PCCA: variants seen among roughly 807,000 people sequenced by gnomAD.
PCCA encodes the protein propionyl-CoA carboxylase alpha chain, mitochondrial.
Under a neutral mutation model 101.3 loss-of-function variants are expected in PCCA, and 74 were observed. The observed-to-expected ratio is 0.73, with a 90% CI of 0.61 to 0.89. The LOEUF (loss-of-function observed/expected upper bound fraction) is 0.89. PCCA is among the 40% of genes least tolerant of loss of function. The pLI, the probability that PCCA is intolerant of heterozygous loss-of-function variation, is 0.00. For missense variants in PCCA, 891 were observed against 907.0 expected, an observed-to-expected ratio of 0.98 and a Z score of 0.23; for synonymous variants, 294 against 313.6, an observed-to-expected ratio of 0.94 and a Z score of 0.66.
intron 12 of PCCA, among the ~76,000 whole-genome samples, chr13:100,300,181 T>A (rs1402277493): frequency 6.6e-6 from 1 of 152,248 alleles, no homozygotes; most frequent in Non-Finnish European, 1.5e-5. Context: ...TTAAACTACC[T>A]AATAAGATCT....
chr13:100,253,892 A>T (rs1368827532), intron 8 of PCCA, among the ~76,000 whole-genome samples: 4 of 149,950 alleles, frequency 2.7e-5, no homozygotes, highest in Non-Finnish European at 3.0e-5. Flanking sequence ...CTCTTCTACT[A>T]GGACTTTCAC....
intron 6 of PCCA, among the ~76,000 whole-genome samples, chr13:100,186,430 A>T (rs771291105): frequency 6.6e-6 from 1 of 152,134 alleles, no homozygotes; most frequent in Non-Finnish European, 1.5e-5. Context: ...TGGATGGGGA[A>T]TGTATAGTAA....
chr13:100,348,827 TTC>T (rs1263707898), intron 18 of PCCA, among the ~76,000 whole-genome samples: 13 of 143,380 alleles, frequency 9.1e-5, no homozygotes, highest in East Asian at 6.0e-4. Flanking sequence ...TTTCTTTCTT[TTC>T]TCTCTCTTTT....
chr13:100,112,847 A>G (rs2048447435), intron 4 of PCCA, among the ~76,000 whole-genome samples: 1 of 151,284 alleles, frequency 6.6e-6, no homozygotes, highest in Admixed American at 6.6e-5. Flanking sequence ...AAGTGCTGGG[A>G]TTACAGGCTT....
chr13:100,442,404 A>C (rs1470483294), intron 20 of PCCA, among the ~76,000 whole-genome samples: 4 of 152,216 alleles, frequency 2.6e-5, no homozygotes, highest in African/African-American at 9.7e-5. Context: ...AATGTTAAGG[A>C]CAGCTTATTG....
chr13:100,131,128 GA>G (rs577637247), intron 4 of PCCA, among the ~76,000 whole-genome samples: 11 of 150,312 alleles, frequency 7.3e-5, no homozygotes, highest in South Asian at 4.2e-4. Context: ...GCTCTAAAGA[GA>G]AAAAAAAAGG....
intron 21 of PCCA, among the ~76,000 whole-genome samples, chr13:100,478,819 T>C (rs907263484): frequency 1.3e-5 from 2 of 152,180 alleles, no homozygotes; most frequent in Non-Finnish European, 2.9e-5. Flanking sequence ...AATTGCTTTT[T>C]CTACTATAAA....
At position 100,206,386 on chromosome 13, in the gene PCCA, C is replaced by T. The variant is rs542302980; in HGVS notation, c.469-2946C>T. ...GGTTCAAGCAATTCTCCTGCCTCAACCTCCAGAGTAGTTGGGATTACAGGC... is the reference window on the plus strand; with the variant it reads ...GGTTCAAGCAATTCTCCTGCCTCAATCTCCAGAGTAGTTGGGATTACAGGC... On this transcript the variant is annotated intron_variant, in intron 6 of 23. Coordinates refer to ENST00000376285, the MANE Select transcript of PCCA (RefSeq NM_000282.4). Among the ~76,000 whole-genome samples, 103 of 152,242 alleles carry T rather than the reference C, an allele frequency of 6.8e-4. 1 individual carries two copies. Among genetic ancestry groups the T allele is most frequent in the African/African-American group, 2.3e-3 (95 of 41,550 alleles).
At position 100,530,415 on chromosome 13, in the gene PCCA, A is replaced by G. The variant is rs2088324293; in HGVS notation, c.*249A>G. ...TCCCTAGTGTCAAAATTAAATCAATAAAACTGAGCATTTGTCTAAATATTA... is the reference window on the plus strand; with the variant it reads ...TCCCTAGTGTCAAAATTAAATCAATGAAACTGAGCATTTGTCTAAATATTA... On this transcript the variant is annotated 3_prime_UTR_variant, in exon 24 of 24. Transcript: ENST00000376285. 1 of 581,806 alleles carries G rather than the reference A, an allele frequency of 1.7e-6. No homozygotes were observed. Among genetic ancestry groups the G allele is most frequent in the African/African-American group, 1.9e-5 (1 of 53,538 alleles). 36.0% of individuals were successfully genotyped at this position (581,806 alleles called of 1,614,324 possible).
intron 21 of PCCA, among the ~76,000 whole-genome samples, chr13:100,487,715 A>T (rs9585448): frequency 0.61 from 91,951 of 151,794 alleles, 28,469 homozygotes; most frequent in East Asian, 0.85. Flanking sequence ...AAATGCTGCG[A>T]TGGGACCTTT....
At chr13:100,508,382 C>T (rs914271741) in intron 21 of PCCA, among the ~76,000 whole-genome samples, 1 of 152,202 alleles carries the variant, frequency 6.6e-6, no homozygotes, top group African/African-American at 2.4e-5. Context: ...GTTGAGCCTC[C>T]TTGTGGCACA....
At chr13:100,152,127 A>G (rs1441993876) in intron 4 of PCCA, among the ~76,000 whole-genome samples, 1 of 152,160 alleles carries the variant, frequency 6.6e-6, no homozygotes, top group Admixed American at 6.5e-5. Context: ...AGAGAATTCA[A>G]ATGTTTTCTT....
At chr13:100,444,592 G>A (rs897890760) in intron 20 of PCCA, among the ~76,000 whole-genome samples, 4 of 151,774 alleles carry the variant, frequency 2.6e-5, no homozygotes, top group African/African-American at 7.3e-5. Context: ...ACAGGTGCCC[G>A]CCACCATGCC....
At chr13:100,204,525 A>G (rs1458298102) in intron 6 of PCCA, among the ~76,000 whole-genome samples, 3 of 152,194 alleles carry the variant, frequency 2.0e-5, no homozygotes, top group Admixed American at 2.0e-4. Context: ...ACGCTTTAAA[A>G]TCTGAATTCA....
chr13:100,180,223 A>G (rs2056666792), intron 6 of PCCA, among the ~76,000 whole-genome samples: 3 of 152,218 alleles, frequency 2.0e-5, no homozygotes, highest in Admixed American at 1.3e-4. Flanking sequence ...ACTTTGCTAC[A>G]TAGGAGCAGA....
At chr13:100,297,278 T>C (rs1441464167) in intron 12 of PCCA, among the ~76,000 whole-genome samples, 1 of 152,208 alleles carries the variant, frequency 6.6e-6, no homozygotes, top group Non-Finnish European at 1.5e-5. Flanking sequence ...ACTTTGAGAC[T>C]CTATAAATAG....
At chr13:100,232,870 G>C (rs2060575920) in intron 7 of PCCA, among the ~76,000 whole-genome samples, 1 of 152,134 alleles carries the variant, frequency 6.6e-6, no homozygotes, top group African/African-American at 2.4e-5. Context: ...GCTCCATGAA[G>C]GCAGAAGATG....
At chr13:100,106,229 G>A (rs993032472) in intron 2 of PCCA, among the ~76,000 whole-genome samples, 7 of 152,178 alleles carry the variant, frequency 4.6e-5, no homozygotes, top group African/African-American at 1.4e-4. Context: ...TATCAAGCAG[G>A]TTTTATGATT....
At chr13:100,174,521 A>G (rs1277159843) in intron 6 of PCCA, among the ~76,000 whole-genome samples, 1 of 149,960 alleles carries the variant, frequency 6.7e-6, no homozygotes, top group Non-Finnish European at 1.5e-5. Context: ...TGAGGTCAGG[A>G]GTTCAAGATC....
Sources: allele counts gnomAD v4.1 joint callset (sites outside exome capture counted in the v4.1 genomes callset), GRCh38; gene constraint gnomAD v4.1.1; transcripts MANE v1.5; gene names NCBI Gene and HGNC (gene_info 2026-07-23, HGNC 2026-07-21).